AP3S1: variants seen among roughly 807,000 people sequenced by gnomAD.
The protein encoded by AP3S1 is adaptor related protein complex 3 subunit sigma 1, also known as AP-3 complex subunit sigma-1.
In AP3S1, 12 loss-of-function variants were observed where a neutral mutation model predicts 21.3. That is an observed-to-expected ratio of 0.56 (90% CI 0.36 to 0.91). The LOEUF (loss-of-function observed/expected upper bound fraction) is 0.91. AP3S1 is among the 40% of genes least tolerant of loss of function. The probability of loss-of-function intolerance (pLI) is 0.01; values close to 1 mark genes in which losing one functional copy is unlikely to be tolerated. For missense variants in AP3S1, 116 were observed against 225.0 expected, an observed-to-expected ratio of 0.52 and a Z score of 3.10; for synonymous variants, 48 against 78.4, an observed-to-expected ratio of 0.61 and a Z score of 2.05.
chr5:115,854,605 T>G (rs1762665713), intron 1 of AP3S1, among the ~76,000 whole-genome samples: 1 of 152,098 alleles, frequency 6.6e-6, no homozygotes, highest in South Asian at 2.1e-4. Flanking sequence ...AACTGAATTT[T>G]CTTTGCTAGG....
At chr5:115,908,156 G>A (rs1367423735) in intron 5 of AP3S1, among the ~76,000 whole-genome samples, 2 of 151,936 alleles carry the variant, frequency 1.3e-5, no homozygotes, top group East Asian at 1.9e-4. Context: ...ACAAAACTGG[G>A]GTACCGTTTT....
At chr5:115,862,380 T>G (rs1179850476) in intron 1 of AP3S1, among the ~76,000 whole-genome samples, 1 of 152,204 alleles carries the variant, frequency 6.6e-6, no homozygotes, top group African/African-American at 2.4e-5. Context: ...CAGTAGATAC[T>G]AGTTTATTTT....
At chr5:115,842,372 AGGCCCTGGAGACTTCCCGGGGCCC>A (rs1195799915) in intron 1 of AP3S1, 5 of 392,124 alleles carry the variant, frequency 1.3e-5, no homozygotes, top group African/African-American at 4.3e-5. Context: ...TGCGCGGGCG[AGGCCCTGGAGACTTCCCGGGGCCC>A]GGCCCTCGCC....
At chr5:115,851,303 G>C (rs745466258) in intron 1 of AP3S1, among the ~76,000 whole-genome samples, 5 of 152,156 alleles carry the variant, frequency 3.3e-5, no homozygotes, top group Non-Finnish European at 7.4e-5. Context: ...ACTGATATCT[G>C]TTTGAGTGCC....
intron 3 of AP3S1, among the ~76,000 whole-genome samples, chr5:115,875,189 A>C (rs965924607): frequency 6.6e-6 from 1 of 152,084 alleles, no homozygotes; most frequent in African/African-American, 2.4e-5. Flanking sequence ...GCATTTTTGA[A>C]TCTTTTTATC....
chr5:115,851,806 CTGTT>C lies in AP3S1; in HGVS notation c.69+9702_69+9705del, dbSNP rs1561472834. 9.9e-5 allele frequency among the ~76,000 whole-genome samples: 15 copies of C among 152,192 alleles called. No individual in the cohort carries two copies. In the South Asian group the frequency reaches 1.5e-3, roughly 15 times the overall value. ...TGATAGTGTCCTTTGATACACACAA[CTGTT>C]TAATGAGATTTAACTTACGTTTTTG... is the stretch of plus-strand genomic sequence containing the variant. On this transcript the variant is annotated intron_variant, in intron 1 of 5. Transcript: ENST00000316788.
At chr5:115,842,387 C>G in intron 1 of AP3S1, 1 of 335,014 alleles carries the variant, frequency 3.0e-6, no homozygotes, top group Non-Finnish European at 5.3e-6. Flanking sequence ...CTGGAGACTT[C>G]CCGGGGCCCG....
At chr5:115,897,487 TA>T (rs1198265687) in intron 4 of AP3S1, among the ~76,000 whole-genome samples, 1 of 152,190 alleles carries the variant, frequency 6.6e-6, no homozygotes, top group East Asian at 1.9e-4. Context: ...AATATAGATA[TA>T]TTTTTTTAAA....
chr5:115,912,356 T>C (rs1196957438), intron 5 of AP3S1, among the ~76,000 whole-genome samples: 2 of 152,068 alleles, frequency 1.3e-5, no homozygotes, highest in East Asian at 3.8e-4. Context: ...TGCTTTATTA[T>C]ATAGCCTGAA....
intron 3 of AP3S1, among the ~76,000 whole-genome samples, chr5:115,870,470 A>T (rs946749337): frequency 1.3e-5 from 2 of 152,190 alleles, no homozygotes; most frequent in African/African-American, 2.4e-5. Context: ...CCTGGAACTC[A>T]AGGTCAGTCA....
intron 3 of AP3S1, among the ~76,000 whole-genome samples, chr5:115,888,778 C>G (rs1229823090): frequency 2.0e-5 from 3 of 151,916 alleles, no homozygotes; most frequent in Non-Finnish European, 4.4e-5. Context: ...TTTTCTATTT[C>G]TATTTTAATT....
At chr5:115,865,612 A>C (rs1280751096) in intron 1 of AP3S1, among the ~76,000 whole-genome samples, 1 of 152,172 alleles carries the variant, frequency 6.6e-6, no homozygotes. Context: ...ATTTTTTACT[A>C]TCATATTTTT....
At chr5:115,855,188 C>T (rs1020450455) in intron 1 of AP3S1, among the ~76,000 whole-genome samples, 9 of 152,034 alleles carry the variant, frequency 5.9e-5, no homozygotes, top group African/African-American at 2.2e-4. Context: ...AGGCATACAC[C>T]ACCATGCCTC....
At position 115,869,975 on chromosome 5, in the gene AP3S1, G is replaced by T. The variant is rs368663038; in HGVS notation, c.162-42G>T. 4 of 1,242,978 alleles carry T rather than the reference G, an allele frequency of 3.2e-6. No individual in the cohort carries two copies. In the South Asian group the frequency reaches 5.7e-5, roughly 18 times the overall value. 77.0% of individuals were successfully genotyped at this position (1,242,978 alleles called of 1,614,324 possible). A position where few individuals can be genotyped will look rare whatever the true frequency, so the allele number is the denominator to read the frequency against. ...TTGCTTGAGCTAATGAAAATGATTCGCATTTTGTTTCCAATAACATTACAA... is the reference window on the plus strand; with the variant it reads ...TTGCTTGAGCTAATGAAAATGATTCTCATTTTGTTTCCAATAACATTACAA... On this transcript the variant is annotated intron_variant, in intron 2 of 5. Coordinates refer to ENST00000316788, the MANE Select transcript of AP3S1 (RefSeq NM_001284.4).
intron 3 of AP3S1, among the ~76,000 whole-genome samples, chr5:115,886,596 G>A (rs1472279942): frequency 6.6e-6 from 1 of 152,134 alleles, no homozygotes; most frequent in East Asian, 1.9e-4. Context: ...GACTGTTTAT[G>A]TTATCGGTAA....
rs201481181 is a variant in AP3S1, at chr5:115,901,927, G to GA, written c.346-949dup. Among the ~76,000 whole-genome samples the GA allele has an allele frequency of 6.0e-4, 90 of 150,928 alleles. 3 individuals are homozygous for GA. The East Asian group carries it at 0.015, about 24-fold the overall frequency. ...ATTTAACTCCTAAAAAGAGTTTGTT[G>GA]AAAAAAAAATTACCGTATAATACCT... On this transcript the variant is annotated intron_variant, in intron 4 of 5. Coordinates refer to ENST00000316788, the MANE Select transcript of AP3S1 (RefSeq NM_001284.4).
At chr5:115,908,814 A>G (rs575746466) in intron 5 of AP3S1, among the ~76,000 whole-genome samples, 6 of 152,286 alleles carry the variant, frequency 3.9e-5, no homozygotes, top group African/African-American at 1.4e-4. Context: ...TCCCCAGATT[A>G]AAAGTTATTC....
At chr5:115,848,768 C>T (rs1762239416) in intron 1 of AP3S1, among the ~76,000 whole-genome samples, 1 of 152,230 alleles carries the variant, frequency 6.6e-6, no homozygotes, top group Admixed American at 6.5e-5. Flanking sequence ...AAAACTGTCA[C>T]ATTAGGCTAA....
At chr5:115,851,458 G>A (rs1265423113) in intron 1 of AP3S1, among the ~76,000 whole-genome samples, 2 of 152,054 alleles carry the variant, frequency 1.3e-5, no homozygotes, top group Admixed American at 6.6e-5. Flanking sequence ...AATGCACAAA[G>A]GTTCTAGTTT....
Sources: gnomAD v4.1 joint callset for allele counts (sites outside exome capture counted in the v4.1 genomes callset) on GRCh38, gnomAD v4.1.1 for gene constraint, MANE v1.5 for transcripts, NCBI Gene and HGNC (gene_info 2026-07-23, HGNC 2026-07-21) for gene names.